The following EPHA6 variants were observed in gnomAD, a reference collection of about 807,000 sequenced individuals.
The protein encoded by EPHA6 is ephrin type-A receptor 6.
Under a neutral mutation model 112.0 loss-of-function variants are expected in EPHA6, and 50 were observed. The ratio of observed to expected loss-of-function variants is 0.45; its 90% CI spans 0.36 to 0.56. The LOEUF (loss-of-function observed/expected upper bound fraction) is 0.56, where lower values mean the gene tolerates loss of function less well. Ranked by LOEUF, EPHA6 falls within the 20% of genes least tolerant of loss-of-function variation. The pLI, the probability that EPHA6 is intolerant of heterozygous loss-of-function variation, is 0.00. For missense variants in EPHA6, 1,280 were observed against 1,417.4 expected (o/e 0.90, Z 1.56); for synonymous variants, 529 against 490.7 (o/e 1.08, Z -1.03).
At chr3:96,997,426 A>G (rs932299938) in intron 3 of EPHA6, among the ~76,000 whole-genome samples, 1 of 152,012 alleles carries the variant, frequency 6.6e-6, no homozygotes, top group African/African-American at 2.4e-5. Context: ...TTTTGATTTT[A>G]AGTAAGAGAA....
At chr3:97,557,335 A>G (rs1460790048) in intron 11 of EPHA6, among the ~76,000 whole-genome samples, 2 of 152,098 alleles carry the variant, frequency 1.3e-5, no homozygotes, top group African/African-American at 2.4e-5. Context: ...TTTAATTTTT[A>G]TAACTTGACT....
At chr3:97,460,069 C>G (rs2090833916) in intron 7 of EPHA6, among the ~76,000 whole-genome samples, 1 of 152,118 alleles carries the variant, frequency 6.6e-6, no homozygotes, top group Non-Finnish European at 1.5e-5. Context: ...GATATGTTAG[C>G]AAAGGAAAGT....
intron 3 of EPHA6, among the ~76,000 whole-genome samples, chr3:97,111,379 T>A (rs764423008): frequency 6.6e-6 from 1 of 152,152 alleles, no homozygotes; most frequent in African/African-American, 2.4e-5. Flanking sequence ...GTTAAGTACT[T>A]GTTTTCAGCT....
intron 1 of EPHA6, among the ~76,000 whole-genome samples, chr3:96,843,575 T>C (rs1478428950): frequency 2.6e-5 from 4 of 151,992 alleles, no homozygotes; most frequent in Non-Finnish European, 5.9e-5. Flanking sequence ...ATAGGAGTAA[T>C]GAAGTTGGAT....
At chr3:97,276,778 G>A (rs1399927065) in intron 5 of EPHA6, among the ~76,000 whole-genome samples, 1 of 152,120 alleles carries the variant, frequency 6.6e-6, no homozygotes, top group African/African-American at 2.4e-5. Context: ...AACTGGGCTG[G>A]GTTTTTCATA....
At chr3:96,855,141 C>A (rs1352423317) in intron 1 of EPHA6, among the ~76,000 whole-genome samples, 1 of 152,126 alleles carries the variant, frequency 6.6e-6, no homozygotes, top group East Asian at 1.9e-4. Context: ...GGAGTCACAT[C>A]TTCCACTAGT....
intron 11 of EPHA6, among the ~76,000 whole-genome samples, chr3:97,582,869 A>T (rs763086539): frequency 6.6e-6 from 1 of 152,010 alleles, no homozygotes; most frequent in Non-Finnish European, 1.5e-5. Context: ...GCTGCCAAGG[A>T]TGTTATTGTA....
At chr3:96,928,831 A>G (rs1043770353) in intron 2 of EPHA6, among the ~76,000 whole-genome samples, 6 of 152,142 alleles carry the variant, frequency 3.9e-5, no homozygotes, top group African/African-American at 1.4e-4. Flanking sequence ...ATTTAGAATA[A>G]TTAGCATTTC....
chr3:97,620,881 A>G (rs2107501477), intron 13 of EPHA6, among the ~76,000 whole-genome samples: 1 of 152,174 alleles, frequency 6.6e-6, no homozygotes, highest in East Asian at 1.9e-4. Flanking sequence ...TAAAGACAGA[A>G]ATAACATTTG....
intron 3 of EPHA6, among the ~76,000 whole-genome samples, chr3:97,025,559 A>G (rs935926885): frequency 3.3e-5 from 5 of 152,024 alleles, no homozygotes; most frequent in African/African-American, 7.2e-5. Flanking sequence ...GCCCGTGCCT[A>G]TGTCCTCAGT....
Position 96,833,079 on chromosome 3 carries a change from A to G in EPHA6, c.385+18071A>G, listed in dbSNP as rs114911237. Among the ~76,000 whole-genome samples, 433 of 151,518 alleles carry G rather than the reference A, an allele frequency of 2.9e-3. 1 individual carries two copies. The highest frequency in any genetic ancestry group is 5.0e-3 in the Non-Finnish European group (339 of 67,828). The stretch of plus-strand genomic sequence containing the variant: ...TGAATTATGTCCTCTCAAAATTCGT[A>G]TGTTGAAGCCTTAACTCCTAGTGCC... On this transcript the variant is annotated intron_variant, in intron 1 of 17. Coordinates refer to ENST00000389672, the MANE Select transcript of EPHA6 (RefSeq NM_001080448.3).
At chr3:97,612,847 G>T (rs2093731872) in intron 13 of EPHA6, among the ~76,000 whole-genome samples, 2 of 151,996 alleles carry the variant, frequency 1.3e-5, no homozygotes, top group Non-Finnish European at 2.9e-5. Context: ...TATAAAGATT[G>T]ATTGTTGTAA....
At chr3:96,829,000 A>T (rs993078459) in intron 1 of EPHA6, among the ~76,000 whole-genome samples, 2 of 152,130 alleles carry the variant, frequency 1.3e-5, no homozygotes, top group Admixed American at 6.6e-5. Flanking sequence ...CAGGAACAAG[A>T]TTTCTACATA....
chr3:96,966,804 C>T (rs796783855), intron 2 of EPHA6, among the ~76,000 whole-genome samples: 41 of 151,934 alleles, frequency 2.7e-4, no homozygotes, highest in African/African-American at 8.9e-4. Flanking sequence ...CTTTCTCAGG[C>T]GTATATAATT....
chr3:96,868,345 T>G (rs1576188335), intron 2 of EPHA6, among the ~76,000 whole-genome samples: 1 of 151,748 alleles, frequency 6.6e-6, no homozygotes, highest in African/African-American at 2.4e-5. Flanking sequence ...TTAATGCTAT[T>G]TATAGGTTAA....
intron 1 of EPHA6, among the ~76,000 whole-genome samples, chr3:96,839,049 G>A (rs1011598359): frequency 6.6e-6 from 1 of 152,012 alleles, no homozygotes; most frequent in Non-Finnish European, 1.5e-5. Flanking sequence ...CCATTTTAAA[G>A]CAAAACTATT....
At chr3:96,986,787 G>A (rs570166326) in intron 2 of EPHA6, among the ~76,000 whole-genome samples, 9 of 152,222 alleles carry the variant, frequency 5.9e-5, no homozygotes, top group African/African-American at 2.2e-4. Context: ...TATCGAATAA[G>A]CCTAAGGCCT....
intron 11 of EPHA6, among the ~76,000 whole-genome samples, chr3:97,541,322 T>C (rs1294798802): frequency 6.6e-6 from 1 of 152,218 alleles, no homozygotes; most frequent in Non-Finnish European, 1.5e-5. Context: ...AGTTCTCATA[T>C]AACCTTCACT....
rs546013148 is a variant in EPHA6, at chr3:97,381,368, A to G, written c.1607-23782A>G. On this transcript the variant is annotated intron_variant, in intron 5 of 17. Transcript: ENST00000389672. ...TGAAGTCACTAAATTGCCTTTAAAA[A>G]CCCTGTGACATAGACACTATTAGTA... Among the ~76,000 whole-genome samples the G allele has an allele frequency of 1.2e-4, 18 of 152,132 alleles. No individual in the cohort carries two copies. The East Asian group carries it at 3.5e-3, about 29-fold the overall frequency.
Sources: gnomAD v4.1 joint callset for allele counts (sites outside exome capture counted in the v4.1 genomes callset) on GRCh38, gnomAD v4.1.1 for gene constraint, MANE v1.5 for transcripts, NCBI Gene and HGNC (gene_info 2026-07-23, HGNC 2026-07-21) for gene names.